The following MYH16 variants were observed in gnomAD, a reference collection of about 807,000 sequenced individuals.
MYH16 encodes the protein myosin heavy chain 16, also known as putative uncharacterized protein MYH16.
At chr7:99,250,466 C>T (rs1183733011) in intron 5 of MYH16, among the ~76,000 whole-genome samples, 5 of 152,156 alleles carry the variant, frequency 3.3e-5, no homozygotes, top group Admixed American at 6.5e-5. Context: ...AGCGGCCAGG[C>T]GCAGTGGCTC....
intron 20 of MYH16, among the ~76,000 whole-genome samples, chr7:99,276,581 G>C (rs1279346814): frequency 6.6e-6 from 1 of 152,260 alleles, no homozygotes; most frequent in Non-Finnish European, 1.5e-5. Flanking sequence ...GGTGCTGCGG[G>C]TGCAGAGCAC....
intron 6 of MYH16, chr7:99,251,297 C>G (rs564053960): frequency 6.5e-6 from 1 of 152,762 alleles, no homozygotes; most frequent in Non-Finnish European, 1.5e-5. Flanking sequence ...AGGGGTGGGA[C>G]AAGTGAAGAC....
intron 29 of MYH16, among the ~76,000 whole-genome samples, 193 bp downstream of exon 10, chr7:99,288,330 T>C (rs1009879594): frequency 6.6e-6 from 1 of 152,086 alleles, no homozygotes; most frequent in Non-Finnish European, 1.5e-5. Flanking sequence ...TCCTAGCTAC[T>C]CAGGAGGCTG....
At chr7:99,294,028 G>A (rs936006537) in exon 33 of MYH16, 2 of 452,712 alleles carry the variant, frequency 4.4e-6, no homozygotes, top group East Asian at 1.4e-4. Context: ...GAGGAAGCTG[G>A]CCGCCAGGCT....
chr7:99,259,889 T>C (rs1273407331), intron 11 of MYH16, among the ~76,000 whole-genome samples: 1 of 151,370 alleles, frequency 6.6e-6, no homozygotes, highest in Non-Finnish European at 1.5e-5. Context: ...CATACAGGGC[T>C]GAAGTCTGGT....
intron 38 of MYH16, among the ~76,000 whole-genome samples, chr7:99,302,055 G>A (rs1201627349): frequency 6.6e-6 from 1 of 152,020 alleles, no homozygotes; most frequent in African/African-American, 2.4e-5. Flanking sequence ...TATAATCCCA[G>A]CACTTTGGAA....
intron 13 of MYH16, among the ~76,000 whole-genome samples, chr7:99,262,307 A>C (rs1165988135): frequency 6.6e-6 from 1 of 152,230 alleles, no homozygotes; most frequent in East Asian, 1.9e-4. Context: ...GCCTTAAGAC[A>C]GAGCTGTCAG....
At chr7:99,284,804 C>T (rs1227288493) in intron 25 of MYH16, 41 bp from the exon 8 acceptor site, 2 of 456,146 alleles carry the variant, frequency 4.4e-6, no homozygotes, top group Non-Finnish European at 8.8e-6. Flanking sequence ...GCTGGTCTAC[C>T]CTCAGAGCCT....
chr7:99,274,299 G>A (rs924568088), intron 20 of MYH16, among the ~76,000 whole-genome samples: 1 of 152,116 alleles, frequency 6.6e-6, no homozygotes, highest in African/African-American at 2.4e-5. Flanking sequence ...ACCATTAAGA[G>A]GGACATGTCT....
At position 99,244,443 on chromosome 7, in the gene MYH16, G is replaced by A. The variant is rs114300183; in HGVS notation, n.354+1022G>A. ...CTCCCAAAATGGGTTGTCTAAGGAC[G>A]TGTTGGTGTTTGCCTCTCTAGATGT... On this transcript the variant is annotated intron_variant and non_coding_transcript_variant, in intron 2 of 41. Coordinates refer to ENST00000439784, the Ensembl canonical transcript of MYH16. Among the ~76,000 whole-genome samples the A allele has an allele frequency of 1.8e-3, 279 of 152,312 alleles. 2 individuals are homozygous for A. The highest frequency in any genetic ancestry group is 6.6e-3 in the African/African-American group (274 of 41,570).
At chr7:99,275,772 G>A (rs960723175) in intron 20 of MYH16, among the ~76,000 whole-genome samples, 13 of 152,194 alleles carry the variant, frequency 8.5e-5, no homozygotes, top group African/African-American at 3.1e-4. Context: ...TTGCTCTGTT[G>A]CTCAGGCTGG....
At chr7:99,244,106 C>T (rs1360329948) in intron 2 of MYH16, among the ~76,000 whole-genome samples, 2 of 150,994 alleles carry the variant, frequency 1.3e-5, no homozygotes, top group Non-Finnish European at 3.0e-5. Flanking sequence ...AACATTCGTC[C>T]ACCTATCCAA....
intron 11 of MYH16, among the ~76,000 whole-genome samples, chr7:99,258,556 T>C (rs1791900013): frequency 6.6e-6 from 1 of 152,178 alleles, no homozygotes; most frequent in Admixed American, 6.5e-5. Context: ...ACTCCAGAAA[T>C]TTCCAGCTTC....
downstream of MYH16, among the ~76,000 whole-genome samples, chr7:99,309,935 TTGCTTGAACC>T (rs1792736697): frequency 6.6e-6 from 1 of 151,990 alleles, no homozygotes; most frequent in South Asian, 2.1e-4. Flanking sequence ...GGCAGGAGAA[TTGCTTGAACC>T]TGTGAGGCAG....
Position 99,299,454 on chromosome 7 carries a change from T to C in MYH16, n.4741-12T>C, listed in dbSNP as rs928070545. 1.3e-5 allele frequency: 2 copies of C among 152,702 alleles called. No homozygotes were observed. Among genetic ancestry groups the C allele is most frequent in the Non-Finnish European group, 2.9e-5 (2 of 68,014 alleles). 9.5% of individuals were successfully genotyped at this position (152,702 alleles called of 1,614,324 possible). A position where few individuals can be genotyped will look rare whatever the true frequency, so the allele number is the denominator to read the frequency against. On this transcript the variant is annotated splice_polypyrimidine_tract_variant and intron_variant and non_coding_transcript_variant, in intron 36 of 41. Coordinates refer to ENST00000439784, the Ensembl canonical transcript of MYH16. ...CCCAGTATGCCAAGGTCTTCTCTGC[T>C]TGGACTTACAGGAAGAACCACCAGC...
chr7:99,291,557 C>T (rs1792376355), intron 31 of MYH16, 107 bp downstream of exon 12: 1 of 373,594 alleles, frequency 2.7e-6, no homozygotes, highest in Non-Finnish European at 5.3e-6. Context: ...CTTTGGGAGG[C>T]CTAGGTGGGA....
At chr7:99,244,973 C>T (rs755803372) in intron 2 of MYH16, among the ~76,000 whole-genome samples, 4 of 152,340 alleles carry the variant, frequency 2.6e-5, no homozygotes, top group Non-Finnish European at 5.9e-5. Context: ...TACATTAAAG[C>T]GCCTCAATAG....
At chr7:99,295,010 G>C (rs543377936) in intron 33 of MYH16, among the ~76,000 whole-genome samples, 1 of 152,168 alleles carries the variant, frequency 6.6e-6, no homozygotes, top group Non-Finnish European at 1.5e-5. Context: ...CTGCACTCCA[G>C]CCTGGTTGAC....
At position 99,285,367 on chromosome 7, in the gene MYH16, T is replaced by C. The variant is rs1584352825; in HGVS notation, n.3317-15T>C. On this transcript the variant is annotated splice_polypyrimidine_tract_variant and intron_variant and non_coding_transcript_variant, in intron 26 of 41. Transcript: ENST00000439784. ...GCCTGGCAGAGATGAATCCCCTCCC[T>C]CCTCTGTCTGCTAGGACCGAATTGA... 2 of 456,522 alleles carry C rather than the reference T, an allele frequency of 4.4e-6. No individual in the cohort carries two copies. The highest frequency in any genetic ancestry group is 1.4e-4 in the East Asian group (2 of 14,404). 28.3% of individuals were successfully genotyped at this position (456,522 alleles called of 1,614,324 possible).
Sources: allele counts gnomAD v4.1 joint callset (sites outside exome capture counted in the v4.1 genomes callset), GRCh38; gene constraint gnomAD v4.1.1; transcripts MANE v1.5; gene names NCBI Gene and HGNC (gene_info 2026-07-23, HGNC 2026-07-21).